MGLL: variants seen among roughly 807,000 people sequenced by gnomAD.
The protein encoded by MGLL is lysophospholipase homolog.
A neutral mutation model predicts 29.1 loss-of-function variants in MGLL; 7 were observed. The ratio of observed to expected loss-of-function variants is 0.24; its 90% CI spans 0.14 to 0.45. The LOEUF (loss-of-function observed/expected upper bound fraction) is 0.45. MGLL is among the 20% of genes least tolerant of loss of function. MGLL has a pLI of 0.99. For missense variants in MGLL, 356 were observed against 413.6 expected, an observed-to-expected ratio of 0.86 and a Z score of 1.21; for synonymous variants, 148 against 168.3, an observed-to-expected ratio of 0.88 and a Z score of 0.93.
chr3:127,708,891 C>A (rs1490123228), intron 6 of MGLL, among the ~76,000 whole-genome samples: 1 of 152,250 alleles, frequency 6.6e-6, no homozygotes, highest in African/African-American at 2.4e-5. Context: ...AATTGTAAAA[C>A]AGGAAACAGA....
intron 2 of MGLL, among the ~76,000 whole-genome samples, chr3:127,782,247 G>T (rs1390662857): frequency 6.6e-6 from 1 of 151,958 alleles, no homozygotes; most frequent in Admixed American, 6.6e-5. Flanking sequence ...GAAAAGAAAC[G>T]CCCAGATGGC....
intron 5 of MGLL, among the ~76,000 whole-genome samples, chr3:127,714,398 G>A (rs2107612364): frequency 6.6e-6 from 1 of 152,356 alleles, no homozygotes; most frequent in East Asian, 1.9e-4. Flanking sequence ...GAAGGGACAA[G>A]CAGCCACCCT....
In MGLL at chr3:127,756,476, C is replaced by T. The variant is rs530953808; in HGVS notation, c.262+25313G>A. ...GAGCCCACAAAATCATTCAAACTGGCTAATTCTAAGCCTGCTCACCCCATC... is the reference window on the plus strand; with the variant it reads ...GAGCCCACAAAATCATTCAAACTGGTTAATTCTAAGCCTGCTCACCCCATC... On this transcript the variant is annotated intron_variant, in intron 3 of 7. Transcript: ENST00000265052. 3.9e-5 allele frequency among the ~76,000 whole-genome samples: 6 copies of T among 152,326 alleles called. No individual in the cohort carries two copies. In the South Asian group the frequency reaches 1.0e-3, roughly 26 times the overall value.
At chr3:127,745,698 T>A (rs1366855609) in intron 3 of MGLL, among the ~76,000 whole-genome samples, 8 of 152,166 alleles carry the variant, frequency 5.3e-5, no homozygotes, top group South Asian at 2.1e-4. Flanking sequence ...ATAATAATAA[T>A]AAAAAAGAAA....
At chr3:127,759,860 A>AT (rs2076731602) in intron 3 of MGLL, among the ~76,000 whole-genome samples, 1 of 152,166 alleles carries the variant, frequency 6.6e-6, no homozygotes, top group African/African-American at 2.4e-5. Flanking sequence ...CCTTTAAGTG[A>AT]TTTTTCCAAT....
chr3:127,726,436 T>A (rs956613455), intron 3 of MGLL, among the ~76,000 whole-genome samples: 10 of 152,230 alleles, frequency 6.6e-5, no homozygotes, highest in African/African-American at 2.4e-4. Context: ...TTTTTATTTT[T>A]TTTTATTTTT....
At chr3:127,720,612 C>T (rs993657721) in intron 5 of MGLL, among the ~76,000 whole-genome samples, 3 of 152,162 alleles carry the variant, frequency 2.0e-5, no homozygotes, top group Non-Finnish European at 4.4e-5. Flanking sequence ...CAAAAGTGCC[C>T]GGGGCGGAGG....
chr3:127,732,376 G>A (rs553339647), intron 3 of MGLL, among the ~76,000 whole-genome samples: 2 of 152,274 alleles, frequency 1.3e-5, no homozygotes, highest in East Asian at 1.9e-4. Flanking sequence ...GCAGCGCTCA[G>A]CCCCCAGTAG....
Position 127,695,073 on chromosome 3 carries a change from G to A in MGLL, c.718C>T (p.Pro240Ser), listed in dbSNP as rs760875315. Residue 240 changes from proline (P) to serine (S), a missense_variant, in exon 7 of 8, where the codon CCC (proline) becomes TCC (serine). Physicochemically the swap from Pro to Ser is moderately conservative, Grantham distance 74. Transcript: ENST00000265052. ...GCAGAGCCCTGGAGCAGCAGGAAGG[G>A]CACAGTCAGCTTGGGGAGGGCGCGC... ...VERALPKLTVPFLLLQGSADR... is the reference protein window; with the variant it reads ...VERALPKLTVSFLLLQGSADR... 6.2e-7 allele frequency: 1 copy of A among 1,614,164 alleles called. No homozygotes were observed. The highest frequency in any genetic ancestry group is 1.7e-5 in the Admixed American group (1 of 60,026).
rs1046948429 is a variant in MGLL at position 127,690,362 on chromosome 3, C to T, written c.*1836G>A. 1 of 152,256 alleles carries T rather than the reference C, an allele frequency of 6.6e-6. No individual in the cohort carries two copies. Among genetic ancestry groups the T allele is most frequent in the African/African-American group, 2.4e-5 (1 of 41,464 alleles). The allele number at this position is 152,256 out of a possible 1,614,324, so 9.4% of individuals were successfully genotyped here. ...TGGGCCGGGTCAGCAACCAAGCCCCCACCTGCCCCTTGTGGGGTGAGGGCT... is the reference window on the plus strand; with the variant it reads ...TGGGCCGGGTCAGCAACCAAGCCCCTACCTGCCCCTTGTGGGGTGAGGGCT... On this transcript the variant is annotated 3_prime_UTR_variant, in exon 8 of 8. Transcript: ENST00000265052.
In MGLL at chr3:127,725,911, G is replaced by T. The variant is rs1375987723; in HGVS notation, c.263-3345C>A. 3.3e-5 allele frequency among the ~76,000 whole-genome samples: 5 copies of T among 151,852 alleles called. No individual in the cohort carries two copies. In the East Asian group the frequency reaches 7.8e-4, roughly 24 times the overall value. The stretch of plus-strand genomic sequence containing the variant: ...CAAGACAGACCCTGTTGCTAAAAAA[G>T]AATTTAAAACAGAAACTGGACATTG... On this transcript the variant is annotated intron_variant, in intron 3 of 7. Transcript: ENST00000265052.
At position 127,805,920 on chromosome 3, in the gene MGLL, T is replaced by C. The variant is rs1026304398; in HGVS notation, c.155+15774A>G. On this transcript the variant is annotated intron_variant, in intron 2 of 7. Transcript: ENST00000265052. ...TTTCCAAAGGTGATACAAGCATAAATAAAAAGTGGTTACAAAAGAATTTTA... is the reference window on the plus strand; with the variant it reads ...TTTCCAAAGGTGATACAAGCATAAACAAAAAGTGGTTACAAAAGAATTTTA... Among the ~76,000 whole-genome samples, 35 of 152,154 alleles carry C rather than the reference T, an allele frequency of 2.3e-4. 1 individual carries two copies. Among genetic ancestry groups the C allele is most frequent in the South Asian group, 2.1e-4 (1 of 4,834 alleles).
intron 2 of MGLL, among the ~76,000 whole-genome samples, chr3:127,805,524 A>C (rs149240815): frequency 1.3e-5 from 2 of 152,272 alleles, no homozygotes; most frequent in East Asian, 3.9e-4. Context: ...AGAGCCACTG[A>C]GCCTTTGTGG....
intron 5 of MGLL, chr3:127,715,766 G>A (rs1293514697): frequency 1.1e-5 from 5 of 456,562 alleles, no homozygotes; most frequent in East Asian, 6.9e-5. Context: ...TGTCGAGGTC[G>A]ACCAGATGAC....
intron 7 of MGLL, among the ~76,000 whole-genome samples, chr3:127,693,650 T>C (rs2075290408): frequency 6.6e-6 from 1 of 152,174 alleles, no homozygotes; most frequent in African/African-American, 2.4e-5. Context: ...TCCCCCTCTA[T>C]GCCTACACTA....
intron 3 of MGLL, among the ~76,000 whole-genome samples, chr3:127,732,124 C>T (rs1343007448): frequency 6.6e-6 from 1 of 152,130 alleles, no homozygotes; most frequent in Non-Finnish European, 1.5e-5. Flanking sequence ...TTCAGGGAAC[C>T]AGGCTTTCTT....
At chr3:127,803,190 G>T (rs2077508539) in intron 2 of MGLL, among the ~76,000 whole-genome samples, 1 of 152,190 alleles carries the variant, frequency 6.6e-6, no homozygotes, top group African/African-American at 2.4e-5. Flanking sequence ...ATGTTGGCCA[G>T]GCTGGTCTCG....
Position 127,691,408 on chromosome 3 carries a change from A to C in MGLL, c.*790T>G, listed in dbSNP as rs2075239984. On this transcript the variant is annotated 3_prime_UTR_variant, in exon 8 of 8. Coordinates refer to ENST00000265052, the MANE Select transcript of MGLL (RefSeq NM_007283.7). ...ATTATATATTAGACATTTCATCTTC[A>C]ATATGATTCTCTCATAGCATCAGGT... The C allele has an allele frequency of 6.6e-6, 1 of 152,224 alleles. No individual in the cohort carries two copies. The highest frequency in any genetic ancestry group is 1.5e-5 in the Non-Finnish European group (1 of 68,072). The allele number at this position is 152,224 out of a possible 1,614,324, so 9.4% of individuals were successfully genotyped here. A position where few individuals can be genotyped will look rare whatever the true frequency, so the allele number is the denominator to read the frequency against.
rs1054712855 is a variant in MGLL, at chr3:127,810,881, C to T, written c.155+10813G>A. Among the ~76,000 whole-genome samples, 22 of 136,012 alleles carry T rather than the reference C, an allele frequency of 1.6e-4. 4 individuals carry two copies. The highest frequency in any genetic ancestry group is 6.8e-4 in the African/African-American group (18 of 26,546). 89.2% of individuals were successfully genotyped at this position (136,012 alleles called of 152,430 possible). On this transcript the variant is annotated intron_variant, in intron 2 of 7. Transcript: ENST00000265052. ...ACCCTCCAGATTCTGACATCCACAG[C>T]AACTTCTGTGCTAAAATGGAAAACA... is the stretch of plus-strand genomic sequence containing the variant.
Sources: gnomAD v4.1 joint callset for allele counts (sites outside exome capture counted in the v4.1 genomes callset) on GRCh38, gnomAD v4.1.1 for gene constraint, MANE v1.5 for transcripts, NCBI Gene and HGNC (gene_info 2026-07-23, HGNC 2026-07-21) for gene names.